C2CD2: variants seen among roughly 807,000 people sequenced by gnomAD.
The protein encoded by C2CD2 is C2 domain-containing protein 2.
In C2CD2, 43 loss-of-function variants were observed where a neutral mutation model predicts 74.3. The ratio of observed to expected loss-of-function variants is 0.58; its 90% CI spans 0.45 to 0.75. C2CD2 has a LOEUF of 0.75. Among genes scored for constraint, C2CD2 ranks in the 30% least tolerant of loss-of-function variants. The pLI, the probability that C2CD2 is intolerant of heterozygous loss-of-function variation, is 0.00. For missense variants in C2CD2, 801 were observed against 916.3 expected (o/e 0.87, Z 1.63); for synonymous variants, 422 against 390.7 (o/e 1.08, Z -0.94).
Position 41,889,258 on chromosome 21 carries a change from G to C in C2CD2, c.1957C>G (p.Leu653Val). The change falls in exon 14 of 14, where the codon CTT (leucine) becomes GTT (valine). Residue 653 changes from leucine to valine, a missense_variant. Leu to Val is a conservative substitution (Grantham distance 32). Coordinates refer to ENST00000380486, the MANE Select transcript of C2CD2 (RefSeq NM_015500.2). ...DPGMSQSHND[L>V]VFLEQPEGSR... Reference sequence around the variant, plus strand: ...CCCTCTGGCTGCTCCAGGAACACAAGGTCATTGTGTGACTGACTCATGCCT... The same window carrying C: ...CCCTCTGGCTGCTCCAGGAACACAACGTCATTGTGTGACTGACTCATGCCT... 1 of 1,613,376 alleles carries C rather than the reference G, an allele frequency of 6.2e-7. No homozygotes were observed. The highest frequency in any genetic ancestry group is 8.5e-7 in the Non-Finnish European group (1 of 1,179,380).
intron 2 of C2CD2, 166 bp downstream of exon 2, chr21:41,941,981 G>C (rs760774512): frequency 4.7e-6 from 2 of 428,712 alleles, no homozygotes; most frequent in African/African-American, 4.3e-5. Flanking sequence ...TTATGTGGAC[G>C]GATCACACTT....
At chr21:41,947,144 C>CCCTT (rs1288288528) in intron 1 of C2CD2, among the ~76,000 whole-genome samples, 2 of 131,278 alleles carry the variant, frequency 1.5e-5, no homozygotes, top group Non-Finnish European at 3.3e-5. Flanking sequence ...CTCTCTCCCT[C>CCCTT]CCTCCCTCCC....
chr21:41,940,841 A>G (rs1183345227), intron 2 of C2CD2, among the ~76,000 whole-genome samples: 3 of 152,266 alleles, frequency 2.0e-5, no homozygotes, highest in Non-Finnish European at 1.5e-5. Flanking sequence ...GTTACAAATC[A>G]GTGCATTCAG....
At chr21:41,942,881 T>C (rs761741949) in intron 1 of C2CD2, 7 of 743,000 alleles carry the variant, frequency 9.4e-6, no homozygotes, top group Middle Eastern at 6.7e-4. Flanking sequence ...CCTCAACCCC[T>C]ACTTCACAGC....
chr21:41,906,038 TTAAC>T (rs1034611961), intron 10 of C2CD2, among the ~76,000 whole-genome samples: 42 of 152,196 alleles, frequency 2.8e-4, no homozygotes, highest in African/African-American at 9.2e-4. Flanking sequence ...CAGAAACATT[TTAAC>T]TAAGCCAGAA....
chr21:41,946,171 T>C (rs2065396039), intron 1 of C2CD2, among the ~76,000 whole-genome samples: 1 of 152,132 alleles, frequency 6.6e-6, no homozygotes, highest in Non-Finnish European at 1.5e-5. Context: ...GATACACCAA[T>C]GGTTGCGAAA....
intron 4 of C2CD2, among the ~76,000 whole-genome samples, chr21:41,918,622 G>A (rs913786262): frequency 1.3e-5 from 2 of 152,094 alleles, no homozygotes; most frequent in African/African-American, 4.8e-5. Context: ...GACTGCAGGT[G>A]CAGCTCAGGT....
intron 12 of C2CD2, among the ~76,000 whole-genome samples, chr21:41,900,650 T>C (rs2064883992): frequency 6.6e-6 from 1 of 152,200 alleles, no homozygotes; most frequent in South Asian, 2.1e-4. Flanking sequence ...CAAGGTCCTG[T>C]TCTGGCCTGT....
intron 2 of C2CD2, among the ~76,000 whole-genome samples, chr21:41,927,995 AAGG>A (rs796283527): frequency 5.9e-5 from 9 of 152,320 alleles, no homozygotes; most frequent in African/African-American, 2.2e-4. Flanking sequence ...GCTGCACTGC[AAGG>A]AGGTGTTGTT....
intron 2 of C2CD2, among the ~76,000 whole-genome samples, chr21:41,928,212 C>T (rs1441538320): frequency 6.6e-6 from 1 of 152,238 alleles, no homozygotes; most frequent in South Asian, 2.1e-4. Context: ...CCTCCTACGC[C>T]CCATGCTCTG....
In C2CD2 at chr21:41,895,665, G is replaced by A. The variant is rs1185890304; in HGVS notation, c.1870+3388C>T. On this transcript the variant is annotated intron_variant, in intron 13 of 13. Transcript: ENST00000380486. The surrounding 1 kb of genome is among the most constrained non-coding windows in gnomAD (Gnocchi z 5.0). The stretch of plus-strand genomic sequence containing the variant: ...AAAAACAAATCACAAGAAGGCTGAA[G>A]TATAAACAAATACGTGAAAGAATTT... 6.6e-6 allele frequency among the ~76,000 whole-genome samples: 1 copy of A among 152,184 alleles called. No individual in the cohort carries two copies. Among genetic ancestry groups the A allele is most frequent in the African/African-American group, 2.4e-5 (1 of 41,444 alleles).
At chr21:41,901,438 TA>T in intron 12 of C2CD2, 183 bp downstream of exon 12, 1 of 682,678 alleles carries the variant, frequency 1.5e-6, no homozygotes. Flanking sequence ...GTGAATAGGA[TA>T]AACTGTGTAA....
At position 41,888,158 on chromosome 21, in the gene C2CD2, GAC is replaced by G. The variant is rs1204463602; in HGVS notation, c.*964_*965del. On this transcript the variant is annotated 3_prime_UTR_variant, in exon 14 of 14. Coordinates refer to ENST00000380486, the MANE Select transcript of C2CD2 (RefSeq NM_015500.2). Reference sequence around the variant, plus strand: ...TTCCATTCCTAAGACTGACACCTGAGACACAAAATAATTTCCTCTATTGCCCT... The same window carrying G: ...TTCCATTCCTAAGACTGACACCTGAGACAAAATAATTTCCTCTATTGCCCT... 6.6e-6 allele frequency: 1 copy of G among 152,606 alleles called. No homozygotes were observed. Among genetic ancestry groups the G allele is most frequent in the Non-Finnish European group, 1.5e-5 (1 of 68,042 alleles). The allele number at this position is 152,606 out of a possible 1,614,324, so 9.5% of individuals were successfully genotyped here. A position where few individuals can be genotyped will look rare whatever the true frequency, so the allele number is the denominator to read the frequency against.
rs183943239 is a variant in C2CD2 at position 41,919,344 on chromosome 21, A to C, written c.493-384T>G. ...CACATATTTTCACAGAAAACTGCTT[A>C]GCTTTCCACTTGGCATACAATGTGC... On this transcript the variant is annotated intron_variant, in intron 3 of 13. Coordinates refer to ENST00000380486, the MANE Select transcript of C2CD2 (RefSeq NM_015500.2). 1.7e-3 allele frequency among the ~76,000 whole-genome samples: 257 copies of C among 152,334 alleles called. 5 individuals carry two copies. The highest frequency in any genetic ancestry group is 0.015 in the Admixed American group (227 of 15,310).
In C2CD2 at chr21:41,902,326, C is replaced by T. The variant is rs536056092; in HGVS notation, c.1433-577G>A. Among the ~76,000 whole-genome samples the T allele has an allele frequency of 1.4e-4, 21 of 152,274 alleles. No individual in the cohort carries two copies. The South Asian group carries it at 4.4e-3, about 32-fold the overall frequency. On this transcript the variant is annotated intron_variant, in intron 11 of 13. Coordinates refer to ENST00000380486, the MANE Select transcript of C2CD2 (RefSeq NM_015500.2). ...ATGAAGGGCCAGTTAATAAAAGCAC[C>T]TCCTTCCCCAGGTTAATAACAACAC...
At position 41,914,664 on chromosome 21, in the gene C2CD2, C is replaced by A. The variant is rs942612986; in HGVS notation, c.778G>T (p.Ala260Ser). 2 of 1,613,692 alleles carry A rather than the reference C, an allele frequency of 1.2e-6. No individual in the cohort carries two copies. Among genetic ancestry groups the A allele is most frequent in the Admixed American group, 3.3e-5 (2 of 60,016 alleles). Residue 260 changes from alanine to serine, a missense_variant, in exon 6 of 14, where the codon GCT becomes TCT. Ala to Ser is a moderately conservative substitution (Grantham distance 99, BLOSUM62 1). Coordinates refer to ENST00000380486, the MANE Select transcript of C2CD2 (RefSeq NM_015500.2). ...CTCACCAGTAGCTTCAGCTCGTGAG[C>A]CCTTGGAGGTTTAGGAGGACAGGAT... ...QESCPPKPPR[A>S]HELKLLVRNI...
intron 10 of C2CD2, among the ~76,000 whole-genome samples, chr21:41,906,552 ATGGG>A (rs1271057222): frequency 2.0e-5 from 3 of 152,042 alleles, no homozygotes; most frequent in Non-Finnish European, 4.4e-5. Flanking sequence ...TTTAGTAGAG[ATGGG>A]GTTTCACCAC....
chr21:41,950,189 G>A (rs983612030), intron 1 of C2CD2, among the ~76,000 whole-genome samples: 1 of 152,134 alleles, frequency 6.6e-6, no homozygotes, highest in Non-Finnish European at 1.5e-5. Flanking sequence ...GATGGCAAGT[G>A]TGTACTAGCA....
At chr21:41,914,099 G>A (rs938064350) in intron 6 of C2CD2, among the ~76,000 whole-genome samples, 4 of 152,154 alleles carry the variant, frequency 2.6e-5, no homozygotes, top group South Asian at 4.2e-4. Flanking sequence ...GGTGGTGCAC[G>A]CCTGTAATCC....
Sources: allele counts gnomAD v4.1 joint callset (sites outside exome capture counted in the v4.1 genomes callset), GRCh38; gene constraint gnomAD v4.1.1; non-coding constraint Gnocchi (gnomAD v3.1); transcripts MANE v1.5; gene names NCBI Gene and HGNC (gene_info 2026-07-23, HGNC 2026-07-21).